CDH2: variants seen among roughly 807,000 people sequenced by gnomAD.
The protein encoded by CDH2 is cadherin 2, also known as cadherin-2.
In CDH2, 17 loss-of-function variants were observed where a neutral mutation model predicts 92.0. The observed-to-expected ratio is 0.18, with a 90% confidence interval of 0.13 to 0.28. CDH2 has a LOEUF of 0.28. CDH2 is among the 10% of genes least tolerant of loss of function. CDH2 has a pLI of 1.00. For missense variants in CDH2, 862 were observed against 1,133.1 expected (o/e 0.76, Z 3.44); for synonymous variants, 419 against 415.9 (o/e 1.01, Z -0.09).
intron 13 of CDH2, among the ~76,000 whole-genome samples, chr18:27,984,467 G>C (rs565956604): frequency 6.6e-6 from 1 of 152,328 alleles, no homozygotes; most frequent in East Asian, 1.9e-4. Context: ...CTACTGAGCT[G>C]TGTAATCATT....
Position 27,985,060 on chromosome 18 carries a change from C to T in CDH2, c.2149G>A (p.Gly717Ser), listed in dbSNP as rs1435057861. 1.9e-6 allele frequency: 3 copies of T among 1,614,164 alleles called. No homozygotes were observed. Among genetic ancestry groups the T allele is most frequent in the Non-Finnish European group, 2.5e-6 (3 of 1,180,024 alleles). ...ATGGCACCGGTGCCAAGCCCCGCAC[C>T]CACAATCCTGTCCACATCTGTGCAG... ...GDCTDVDRIV[G>S]AGLGTGAIIA... Residue 717 changes from glycine (G) to serine (S), a missense_variant, in exon 13 of 16, where the codon GGT (glycine) becomes AGT (serine). Physicochemically the swap from Gly to Ser is moderately conservative, Grantham distance 56. This residue lies in a region of CDH2 where 564 missense variants were observed against 722.2 expected (regional missense o/e 0.78). Transcript: ENST00000269141.
chr18:28,088,852 C>G (rs969068105), intron 2 of CDH2, among the ~76,000 whole-genome samples: 1 of 152,052 alleles, frequency 6.6e-6, no homozygotes. Flanking sequence ...TATTGCATAT[C>G]AGGAGAGAAA....
At chr18:28,006,474 T>C (rs561757988) in intron 5 of CDH2, among the ~76,000 whole-genome samples, 14 of 152,026 alleles carry the variant, frequency 9.2e-5, no homozygotes, top group South Asian at 4.2e-4. Flanking sequence ...TCCCAGCACA[T>C]TGGGAGGCCA....
chr18:27,990,368 A>T lies in CDH2; in HGVS notation c.1345-18T>A. The T allele has an allele frequency of 6.3e-7, 1 of 1,599,110 alleles. No homozygotes were observed. Among genetic ancestry groups the T allele is most frequent in the Non-Finnish European group, 8.5e-7 (1 of 1,171,290 alleles). ...TCGATTGGCTGGAAAATAAAAGGGAAGCCATATTTTTGCAGGAAATAAGAA... is the reference window on the plus strand; with the variant it reads ...TCGATTGGCTGGAAAATAAAAGGGATGCCATATTTTTGCAGGAAATAAGAA... On this transcript the variant is annotated intron_variant, in intron 9 of 15. Transcript: ENST00000269141.
chr18:28,115,102 G>A (rs1311053999), intron 2 of CDH2, among the ~76,000 whole-genome samples: 1 of 152,120 alleles, frequency 6.6e-6, no homozygotes, highest in Non-Finnish European at 1.5e-5. Context: ...TGAGAACCTT[G>A]GAGTGGCAGG....
chr18:27,993,185 A>G, intron 8 of CDH2, among the ~76,000 whole-genome samples: 1 of 152,358 alleles, frequency 6.6e-6, no homozygotes, highest in South Asian at 2.1e-4. Flanking sequence ...CTGACAAAGT[A>G]GCATAAATCA....
chr18:28,009,905 G>A (rs2013047597), intron 4 of CDH2, 33 bp from the exon 5 acceptor site: 2 of 1,544,036 alleles, frequency 1.3e-6, no homozygotes. Context: ...CATTAAGTGA[G>A]AGACTAAATG....
In CDH2 at chr18:28,177,053, G is replaced by C. The variant is rs943966993; in HGVS notation, c.-31C>G. 1.5e-5 allele frequency: 22 copies of C among 1,469,214 alleles called. No individual in the cohort carries two copies. Among genetic ancestry groups the C allele is most frequent in the Non-Finnish European group, 1.9e-5 (21 of 1,111,256 alleles). 91.0% of individuals were successfully genotyped at this position (1,469,214 alleles called of 1,614,324 possible). A position where few individuals can be genotyped will look rare whatever the true frequency, so the allele number is the denominator to read the frequency against. On this transcript the variant is annotated 5_prime_UTR_variant, in exon 1 of 16. Transcript: ENST00000269141. ...CGGAGAGGGGCCGAGCGAAGAGCCG[G>C]AGGAGGCGGCGGCGGCGGCGGCGGC...
intron 2 of CDH2, among the ~76,000 whole-genome samples, chr18:28,077,144 T>C (rs1412750652): frequency 6.6e-6 from 1 of 152,194 alleles, no homozygotes; most frequent in African/African-American, 2.4e-5. Context: ...CTATTTTAAA[T>C]AGTTACTGTT....
At chr18:27,946,747 A>G (rs971355316), downstream of CDH2, among the ~76,000 whole-genome samples, 3 of 152,048 alleles carry the variant, frequency 2.0e-5, no homozygotes, top group Non-Finnish European at 2.9e-5. Flanking sequence ...TGAGTAATAT[A>G]GCAGCAAATA....
At chr18:27,955,369 TAAAA>T (rs760993428) in intron 15 of CDH2, among the ~76,000 whole-genome samples, 1 of 31,002 alleles carries the variant, frequency 3.2e-5, no homozygotes, top group African/African-American at 1.0e-4. Flanking sequence ...AGTATAATAG[TAAAA>T]AAAAAAAAAA....
At chr18:27,995,038 T>C (rs377607487) in intron 7 of CDH2, among the ~76,000 whole-genome samples, 17 of 151,988 alleles carry the variant, frequency 1.1e-4, no homozygotes, top group African/African-American at 3.9e-4. Flanking sequence ...AAGGGCTAGG[T>C]GCGGTGGCTC....
chr18:28,168,025 G>A (rs184671965), intron 1 of CDH2, among the ~76,000 whole-genome samples: 437 of 152,270 alleles, frequency 2.9e-3, no homozygotes, highest in Middle Eastern at 6.8e-3. Context: ...TAACAAAGTG[G>A]TCACAGTTTC....
chr18:27,941,332 G>A (rs1177288250), intron 6 of CDH2, among the ~76,000 whole-genome samples: 2 of 152,006 alleles, frequency 1.3e-5, no homozygotes, highest in African/African-American at 4.8e-5. Context: ...ACCGTACCTG[G>A]CCAAGTCCCA....
chr18:28,058,760 T>C (rs1187290601), intron 2 of CDH2, among the ~76,000 whole-genome samples: 1 of 152,188 alleles, frequency 6.6e-6, no homozygotes, highest in Non-Finnish European at 1.5e-5. Context: ...TTTCTTAGTG[T>C]TCTGTTTTAT....
chr18:27,952,587 C>A (rs568750352), intron 15 of CDH2, among the ~76,000 whole-genome samples: 8 of 152,176 alleles, frequency 5.3e-5, no homozygotes, highest in African/African-American at 1.9e-4. Flanking sequence ...AGCAGTCAAG[C>A]TCAGGGAGGC....
At chr18:28,127,330 T>C (rs2015693308) in intron 2 of CDH2, among the ~76,000 whole-genome samples, 2 of 152,154 alleles carry the variant, frequency 1.3e-5, no homozygotes, top group African/African-American at 4.8e-5. Context: ...GGATTCAACT[T>C]CTGAGTGGCT....
rs771948589 is a variant in CDH2, at chr18:27,952,145, C to T, written c.*8G>A. On this transcript the variant is annotated 3_prime_UTR_variant, in exon 16 of 16. Coordinates refer to ENST00000269141, the MANE Select transcript of CDH2 (RefSeq NM_001792.5). ...GTACTTGTCCAAAAACCAAGTTCAC[C>T]CTGAAGTTCAGTCATCACCTCCACC... 12 of 1,611,608 alleles carry T rather than the reference C, an allele frequency of 7.4e-6. No homozygotes were observed. Among genetic ancestry groups the T allele is most frequent in the Non-Finnish European group, 9.3e-6 (11 of 1,178,078 alleles).
At chr18:28,071,288 A>G (rs556061975) in intron 2 of CDH2, among the ~76,000 whole-genome samples, 7 of 152,154 alleles carry the variant, frequency 4.6e-5, no homozygotes, top group Admixed American at 4.6e-4. Context: ...GAAAATACGT[A>G]TGTGCCGGTT....
Sources: gnomAD v4.1 joint callset for allele counts (sites outside exome capture counted in the v4.1 genomes callset) on GRCh38, gnomAD v4.1.1 for gene constraint, gnomAD v4.1.1 regional missense constraint, MANE v1.5 for transcripts, NCBI Gene and HGNC (gene_info 2026-07-23, HGNC 2026-07-21) for gene names.